Variants in SOD2 observed in about 807,000 individuals in gnomAD.
SOD2 encodes the protein superoxide dismutase [Mn], mitochondrial.
SOD2 carries 11 observed loss-of-function variants against 27.0 expected under a neutral mutation model. The ratio of observed to expected loss-of-function variants is 0.41; its 90% CI spans 0.26 to 0.67. The LOEUF (loss-of-function observed/expected upper bound fraction) is 0.67. Among genes scored for constraint, SOD2 ranks in the 30% least tolerant of loss-of-function variants. The probability of loss-of-function intolerance (pLI) is 0.34; values close to 1 mark genes in which losing one functional copy is unlikely to be tolerated. For missense variants in SOD2, 250 were observed against 274.5 expected (o/e 0.91, Z 0.63); for synonymous variants, 105 against 103.0 (o/e 1.02, Z -0.12).
rs1190901268 is a variant in SOD2, at chr6:159,681,831, C to CCTGCAAATAAACATCCTCCTTTCTCCTA, written c.*634_*661dup. On this transcript the variant is annotated 3_prime_UTR_variant, in exon 5 of 5. Transcript: ENST00000538183. ...CTGCCCAATTCTCCTTGCTTGGCGC[C>CCTGCAAATAAACATCCTCCTTTCTCCTA]CTGCAAATAAACATCCTCCTTTCTC... 5 of 152,164 alleles carry CCTGCAAATAAACATCCTCCTTTCTCCTA rather than the reference C, an allele frequency of 3.3e-5. No individual in the cohort carries two copies. The highest frequency in any genetic ancestry group is 7.3e-5 in the Non-Finnish European group (5 of 68,038). 9.4% of individuals were successfully genotyped at this position (152,164 alleles called of 1,614,324 possible).
chr6:159,745,338 T>C (rs1779513368), upstream of SOD2, among the ~76,000 whole-genome samples: 1 of 152,240 alleles, frequency 6.6e-6, no homozygotes, highest in South Asian at 2.1e-4. Context: ...TTGATCATAT[T>C]ACGCCTGGTC....
chr6:159,737,266 C>G (rs1276427337), intron 1 of SOD2, among the ~76,000 whole-genome samples: 3 of 152,114 alleles, frequency 2.0e-5, no homozygotes, highest in Admixed American at 6.5e-5. Flanking sequence ...CCAGGCTGGT[C>G]TCGAACTCCC....
At chr6:159,713,097 T>C in intron 1 of SOD2, 2 of 746,314 alleles carry the variant, frequency 2.7e-6, no homozygotes, top group Non-Finnish European at 4.3e-6. Flanking sequence ...ACATTCTTAG[T>C]GGCTCTGTAA....
intron 1 of SOD2, among the ~76,000 whole-genome samples, chr6:159,760,062 C>A (rs745868525): frequency 3.9e-5 from 6 of 152,150 alleles, no homozygotes. Flanking sequence ...CTAGGAATTA[C>A]ATGGTAAGTT....
rs750824041 is a variant in SOD2, at chr6:159,685,219, C to CTTTTTTTTTTTTTTTTTTTTT, written c.344-207_344-187dup. On this transcript the variant is annotated intron_variant, in intron 3 of 4. Transcript: ENST00000538183. ...ACGTTTTTGTTTTTTATAACTTCAACTTTTTTTTTTTTTTTTTTTTTTTTT... is the reference window on the plus strand; with the variant it reads ...ACGTTTTTGTTTTTTATAACTTCAACTTTTTTTTTTTTTTTTTTTTTTTTTTTTTTTTTTTTTTTTTTTTTT... Among the ~76,000 whole-genome samples, 42 of 73,916 alleles carry CTTTTTTTTTTTTTTTTTTTTT rather than the reference C, an allele frequency of 5.7e-4. 1 individual carries two copies. Among genetic ancestry groups the CTTTTTTTTTTTTTTTTTTTTT allele is most frequent in the Admixed American group, 8.5e-4 (4 of 4,704 alleles). 48.5% of individuals were successfully genotyped at this position (73,916 alleles called of 152,430 possible). A position where few individuals can be genotyped will look rare whatever the true frequency, so the allele number is the denominator to read the frequency against.
intron 1 of SOD2, among the ~76,000 whole-genome samples, chr6:159,706,126 A>G (rs1468150500): frequency 6.6e-6 from 1 of 152,218 alleles, no homozygotes; most frequent in Non-Finnish European, 1.5e-5. Flanking sequence ...AGCACTAAAC[A>G]TAGAAAGGAA....
chr6:159,727,628 G>A (rs904764580), upstream of SOD2: 8 of 986,052 alleles, frequency 8.1e-6, no homozygotes, highest in Middle Eastern at 5.2e-4. Flanking sequence ...TGGCCCGGGG[G>A]GCCCGGGCGG....
intron 2 of SOD2, among the ~76,000 whole-genome samples, chr6:159,689,081 C>A (rs1212213295): frequency 2.0e-5 from 3 of 152,162 alleles, no homozygotes; most frequent in Non-Finnish European, 1.5e-5. Flanking sequence ...TAGGTGTTTA[C>A]ACTCAGCTAC....
At chr6:159,732,907 G>GTGTGTGTA (rs1778676950) in intron 1 of SOD2, among the ~76,000 whole-genome samples, 1 of 110,580 alleles carries the variant, frequency 9.0e-6, no homozygotes, top group African/African-American at 2.8e-5. Context: ...GTGTGTGTGT[G>GTGTGTGTA]TGTGTGTGTG....
intron 1 of SOD2, among the ~76,000 whole-genome samples, chr6:159,698,319 T>C (rs1230411446): frequency 1.3e-5 from 2 of 149,010 alleles, no homozygotes; most frequent in Non-Finnish European, 3.0e-5. Context: ...AAAAAACACT[T>C]GAACCCAGGA....
chr6:159,682,428 A>T lies in SOD2; in HGVS notation c.*65T>A. 5 of 1,404,872 alleles carry T rather than the reference A, an allele frequency of 3.6e-6. No homozygotes were observed. The South Asian group carries it at 6.9e-5, about 19-fold the overall frequency. 87.0% of individuals were successfully genotyped at this position (1,404,872 alleles called of 1,614,324 possible). On this transcript the variant is annotated 3_prime_UTR_variant, in exon 5 of 5. Transcript: ENST00000538183. ...AATAGAGCAGCTTACTGTATTCTGC[A>T]GTACTCTATACCACTACAAAAACAG...
At chr6:159,751,999 G>C (rs917751620) in intron 1 of SOD2, among the ~76,000 whole-genome samples, 2 of 150,586 alleles carry the variant, frequency 1.3e-5, no homozygotes, top group Admixed American at 1.3e-4. Flanking sequence ...GGACGTCAAG[G>C]CTCCAGTGAG....
chr6:159,729,566 T>C (rs569286782), upstream of SOD2, among the ~76,000 whole-genome samples: 3 of 137,932 alleles, frequency 2.2e-5, no homozygotes, highest in Non-Finnish European at 4.6e-5. Context: ...ATGTTCATAT[T>C]TTATTTGAAA....
rs1317264121 is a variant in SOD2 at position 159,680,042 on chromosome 6, G to A, written c.*2451C>T. The stretch of plus-strand genomic sequence containing the variant: ...AGACAAGAAAGACAAACTTAGTGAA[G>A]GAAAGAATGCTTCCTCACTCTCTCA... On this transcript the variant is annotated 3_prime_UTR_variant, in exon 5 of 5. Coordinates refer to ENST00000538183, the MANE Select transcript of SOD2 (RefSeq NM_000636.4). 2.0e-5 allele frequency: 3 copies of A among 152,222 alleles called. No homozygotes were observed. In the East Asian group the frequency reaches 5.8e-4, roughly 29 times the overall value. The allele number at this position is 152,222 out of a possible 1,614,324, so 9.4% of individuals were successfully genotyped here. A position where few individuals can be genotyped will look rare whatever the true frequency, so the allele number is the denominator to read the frequency against.
upstream of SOD2, among the ~76,000 whole-genome samples, chr6:159,728,464 C>A (rs867685517): frequency 6.6e-6 from 1 of 152,208 alleles, no homozygotes; most frequent in African/African-American, 2.4e-5. Flanking sequence ...TAGGGAAATA[C>A]TTCTATGAGT....
At chr6:159,717,846 TATA>T (rs1482164676) in intron 1 of SOD2, among the ~76,000 whole-genome samples, 32 of 152,028 alleles carry the variant, frequency 2.1e-4, no homozygotes, top group Non-Finnish European at 1.0e-4. Flanking sequence ...TTTCACTTAA[TATA>T]ATGTCCTCCT....
At chr6:159,727,965 TCA>T (rs1386779182), upstream of SOD2, among the ~76,000 whole-genome samples, 1 of 152,176 alleles carries the variant, frequency 6.6e-6, no homozygotes, top group Non-Finnish European at 1.5e-5. Flanking sequence ...GACCGGCCAC[TCA>T]CGGAGGCCGG....
At chr6:159,735,547 G>A (rs1232836551) in intron 1 of SOD2, among the ~76,000 whole-genome samples, 1 of 152,076 alleles carries the variant, frequency 6.6e-6, no homozygotes, top group Non-Finnish European at 1.5e-5. Flanking sequence ...TCAGGAGTTC[G>A]AGACCAGCCT....
intron 1 of SOD2, among the ~76,000 whole-genome samples, chr6:159,744,769 G>T (rs1357332561): frequency 1.3e-5 from 2 of 152,100 alleles, no homozygotes; most frequent in African/African-American, 4.8e-5. Flanking sequence ...ATCCAGGCTG[G>T]AGTGCAGTGG....
Sources: allele counts gnomAD v4.1 joint callset (sites outside exome capture counted in the v4.1 genomes callset), GRCh38; gene constraint gnomAD v4.1.1; transcripts MANE v1.5; gene names NCBI Gene and HGNC (gene_info 2026-07-23, HGNC 2026-07-21).